The following CNTN6 variants were observed in gnomAD, a reference collection of about 807,000 sequenced individuals.
The protein encoded by CNTN6 is contactin-6.
Under a neutral mutation model 122.8 loss-of-function variants are expected in CNTN6, and 137 were observed. The observed-to-expected ratio is 1.12, with a 90% CI of 0.97 to 1.29. The LOEUF (loss-of-function observed/expected upper bound fraction) is 1.29. CNTN6 is among the 50% of genes most tolerant of loss of function. CNTN6 has a pLI of 0.00. For synonymous variants in CNTN6, 570 were observed against 426.0 expected (o/e 1.34, Z -4.16); for missense variants, 1,634 against 1,223.4 (o/e 1.34, Z -5.01).
intron 2 of CNTN6, among the ~76,000 whole-genome samples, chr3:1,215,154 T>C (rs1559528452): frequency 6.6e-6 from 1 of 152,238 alleles, no homozygotes; most frequent in Non-Finnish European, 1.5e-5. Flanking sequence ...CAGCAAACGC[T>C]TTGGTGTTGA....
chr3:1,228,358 G>A (rs937527215), intron 4 of CNTN6, among the ~76,000 whole-genome samples: 7 of 152,096 alleles, frequency 4.6e-5, no homozygotes, highest in South Asian at 2.1e-4. Context: ...AAAAAGCTGA[G>A]GGCAGAGAGG....
At position 1,171,161 on chromosome 3, in the gene CNTN6, A is replaced by G. The variant is rs375343544; in HGVS notation, c.55+23098A>G. On this transcript the variant is annotated intron_variant, in intron 2 of 22. Transcript: ENST00000446702. The stretch of plus-strand genomic sequence containing the variant: ...CTTTGATCCCTGGGCTTAAATGTCT[A>G]CTTCTTAATGCTATGAGCTAAATAT... Among the ~76,000 whole-genome samples, 9 of 152,182 alleles carry G rather than the reference A, an allele frequency of 5.9e-5. No individual in the cohort carries two copies. In the South Asian group the frequency reaches 8.3e-4, roughly 14 times the overall value.
chr3:1,112,295 T>C (rs2091517646), intron 1 of CNTN6, among the ~76,000 whole-genome samples: 1 of 152,126 alleles, frequency 6.6e-6, no homozygotes, highest in African/African-American at 2.4e-5. Flanking sequence ...GACAGAAGTT[T>C]ATTAGAAAAA....
At chr3:1,269,801 A>G (rs1458769614) in intron 4 of CNTN6, among the ~76,000 whole-genome samples, 2 of 152,144 alleles carry the variant, frequency 1.3e-5, no homozygotes, top group African/African-American at 2.4e-5. Context: ...TTTTTCATAA[A>G]AAAAAATGCT....
intron 19 of CNTN6, among the ~76,000 whole-genome samples, chr3:1,384,796 T>TACAC (rs1168789647): frequency 9.0e-4 from 121 of 133,798 alleles, no homozygotes; most frequent in African/African-American, 1.8e-3. Context: ...TATATATATA[T>TACAC]ACACACACAC....
At chr3:1,189,379 C>T (rs879319277) in intron 2 of CNTN6, among the ~76,000 whole-genome samples, 8 of 152,138 alleles carry the variant, frequency 5.3e-5, no homozygotes, top group Non-Finnish European at 7.4e-5. Context: ...TTATACAAAA[C>T]ATTATACATT....
At chr3:1,362,150 T>C (rs964523489) in intron 12 of CNTN6, among the ~76,000 whole-genome samples, 1 of 152,122 alleles carries the variant, frequency 6.6e-6, no homozygotes, top group Non-Finnish European at 1.5e-5. Flanking sequence ...ACTCAATTCA[T>C]ATCAGTTTCG....
chr3:1,219,181 A>G (rs550215724), intron 2 of CNTN6, among the ~76,000 whole-genome samples: 2 of 152,366 alleles, frequency 1.3e-5, no homozygotes, highest in African/African-American at 2.4e-5. Flanking sequence ...AACACTAATT[A>G]TAAAGAAAAA....
chr3:1,343,145 C>G (rs185613997), intron 11 of CNTN6, among the ~76,000 whole-genome samples: 1 of 152,234 alleles, frequency 6.6e-6, no homozygotes, highest in African/African-American at 2.4e-5. Flanking sequence ...AACATGATAT[C>G]TTCTCTAGCT....
chr3:1,388,858 A>C (rs1433764795), intron 20 of CNTN6, among the ~76,000 whole-genome samples: 1 of 144,164 alleles, frequency 6.9e-6, no homozygotes, highest in African/African-American at 2.6e-5. Context: ...AGGGAAGTTT[A>C]GAGAAAAAAG....
intron 4 of CNTN6, 140 bp from the exon 5 acceptor site, chr3:1,278,273 T>C (rs1692775639): frequency 3.5e-6 from 2 of 573,778 alleles, no homozygotes; most frequent in Admixed American, 3.2e-5. Flanking sequence ...TGCAGTTAAA[T>C]TGATTGTCAA....
chr3:1,332,038 A>G (rs998687355), intron 11 of CNTN6, among the ~76,000 whole-genome samples: 1 of 151,942 alleles, frequency 6.6e-6, no homozygotes, highest in African/African-American at 2.4e-5. Context: ...TGTGAGTTCT[A>G]TTTATACATT....
chr3:1,342,949 C>T (rs1185838934), intron 11 of CNTN6, among the ~76,000 whole-genome samples: 2 of 152,056 alleles, frequency 1.3e-5, no homozygotes, highest in East Asian at 1.9e-4. Flanking sequence ...GCCTGCCTCT[C>T]CTGCCTCTCC....
At chr3:1,160,932 A>G (rs1575072012) in intron 2 of CNTN6, among the ~76,000 whole-genome samples, 2 of 152,202 alleles carry the variant, frequency 1.3e-5, no homozygotes, top group African/African-American at 4.8e-5. Flanking sequence ...TCAAAATTTC[A>G]TAAATATTTA....
In CNTN6 at chr3:1,401,207, G is replaced by C. The variant is rs946645000; in HGVS notation, c.2705-226G>C. ...TAAATTAATACTGGACATGCAGCAAGCCATTATTAATTCATAAGTCTGTCA... is the reference window on the plus strand; with the variant it reads ...TAAATTAATACTGGACATGCAGCAACCCATTATTAATTCATAAGTCTGTCA... On this transcript the variant is annotated intron_variant, in intron 20 of 22. Coordinates refer to ENST00000446702, the MANE Select transcript of CNTN6 (RefSeq NM_001289080.2). 1.1e-4 allele frequency: 50 copies of C among 445,680 alleles called. No individual in the cohort carries two copies. In the South Asian group the frequency reaches 1.2e-3, roughly 11 times the overall value. 27.6% of individuals were successfully genotyped at this position (445,680 alleles called of 1,614,324 possible). A position where few individuals can be genotyped will look rare whatever the true frequency, so the allele number is the denominator to read the frequency against.
chr3:1,389,654 T>C (rs546577569), intron 20 of CNTN6, among the ~76,000 whole-genome samples: 9 of 152,036 alleles, frequency 5.9e-5, no homozygotes. Context: ...ATCAGTGTGC[T>C]GTATTCAGGA....
intron 11 of CNTN6, among the ~76,000 whole-genome samples, chr3:1,342,124 TTTTG>T (rs569765087): frequency 6.6e-6 from 1 of 151,948 alleles, no homozygotes; most frequent in Non-Finnish European, 1.5e-5. Flanking sequence ...GGTCTATTTC[TTTTG>T]TTTGTTTGTT....
rs1005708720 is a variant in CNTN6 at position 1,327,560 on chromosome 3, A to G, written c.1187A>G (p.Tyr396Cys). The G allele has an allele frequency of 1.2e-6, 2 of 1,610,482 alleles. No homozygotes were observed. The highest frequency in any genetic ancestry group is 3.3e-5 in the Admixed American group (2 of 59,756). The stretch of plus-strand genomic sequence containing the variant: ...GCAGAAAACAAATATCAGATAATTT[A>G]TGCAAATGCTGAATTGAGAGTTTTA... ...CAAENKYQIIYANAELRVLAS... is the reference protein window; with the variant it reads ...CAAENKYQIICANAELRVLAS... The change falls in exon 10 of 23, where the codon TAT (tyrosine) becomes TGT (cysteine). Residue 396 changes from tyrosine (Y) to cysteine (C), a missense_variant. Transcript: ENST00000446702.
chr3:1,368,136 T>G (rs533900804), intron 12 of CNTN6, among the ~76,000 whole-genome samples: 1 of 152,300 alleles, frequency 6.6e-6, no homozygotes, highest in South Asian at 2.1e-4. Flanking sequence ...ATATGATGCT[T>G]TGGGGAAACC....
Sources: allele counts gnomAD v4.1 joint callset (sites outside exome capture counted in the v4.1 genomes callset), GRCh38; gene constraint gnomAD v4.1.1; transcripts MANE v1.5; gene names NCBI Gene and HGNC (gene_info 2026-07-23, HGNC 2026-07-21).